Variants in LPIN2 observed in about 807,000 individuals in gnomAD.
The protein encoded by LPIN2 is lipin 2.
In LPIN2, 55 loss-of-function variants were observed where a neutral mutation model predicts 111.4. That is an observed-to-expected ratio of 0.49 (90% confidence interval 0.40 to 0.62). The LOEUF is 0.62. Among genes scored for constraint, LPIN2 ranks in the 20% least tolerant of loss-of-function variants. The pLI, the probability that LPIN2 is intolerant of heterozygous loss-of-function variation, is 0.00. For missense variants in LPIN2, 992 were observed against 1,112.1 expected (o/e 0.89, Z 1.54); for synonymous variants, 425 against 414.0 (o/e 1.03, Z -0.32).
intron 2 of LPIN2, among the ~76,000 whole-genome samples, chr18:2,959,082 A>G (rs1158699910): frequency 6.6e-6 from 1 of 152,226 alleles, no homozygotes; most frequent in Non-Finnish European, 1.5e-5. Context: ...AAAAAATTTC[A>G]GAGAACCTAA....
chr18:2,973,569 T>C (rs1348385856), intron 1 of LPIN2, among the ~76,000 whole-genome samples: 1 of 152,258 alleles, frequency 6.6e-6, no homozygotes, highest in East Asian at 1.9e-4. Flanking sequence ...ATCAAATGTT[T>C]ATCCATTCAC....
In LPIN2 at chr18:2,922,024, A is replaced by T. The variant is rs765145929; in HGVS notation, c.2327+23T>A. 5.0e-6 allele frequency: 8 copies of T among 1,606,954 alleles called. No homozygotes were observed. The South Asian group carries it at 7.7e-5, about 16-fold the overall frequency. Reference sequence around the variant, plus strand: ...GCCCACATGCTGGGGCGGTGGGCAGAGGGCTGCCTGCCGGAGAGGTACCTG... The same window carrying T: ...GCCCACATGCTGGGGCGGTGGGCAGTGGGCTGCCTGCCGGAGAGGTACCTG... On this transcript the variant is annotated intron_variant, in intron 17 of 19. Coordinates refer to ENST00000677752, the MANE Select transcript of LPIN2 (RefSeq NM_001375808.2).
At chr18:2,990,633 G>C (rs581590) in intron 1 of LPIN2, 169,953 of 179,234 alleles carry the variant, frequency 0.95, 80,911 homozygotes, top group East Asian at 1. Flanking sequence ...TAAAAAGGAA[G>C]AGAGTGGCCA....
At chr18:2,982,987 T>C (rs1264852106) in intron 1 of LPIN2, 2 of 327,696 alleles carry the variant, frequency 6.1e-6, no homozygotes, top group Non-Finnish European at 1.2e-5. Flanking sequence ...CCAAAGGAGA[T>C]AAGCAGGGGC....
intron 1 of LPIN2, among the ~76,000 whole-genome samples, chr18:2,987,603 C>A (rs757041314): frequency 6.6e-6 from 1 of 152,098 alleles, no homozygotes; most frequent in Non-Finnish European, 1.5e-5. Context: ...AAGATTTTCT[C>A]GACCACCTGA....
chr18:2,926,857 G>A (rs995894698), intron 12 of LPIN2, 52 bp from the exon 13 acceptor site: 1 of 1,433,748 alleles, frequency 7.0e-7, no homozygotes, highest in African/African-American at 1.4e-5. Flanking sequence ...CTACAGATAA[G>A]CCAAGTTCAT....
In LPIN2 at chr18:2,919,574, A is replaced by C. The variant is rs1404241431; in HGVS notation, c.*719T>G. The C allele has an allele frequency of 2.0e-5, 3 of 153,038 alleles. No homozygotes were observed. Among genetic ancestry groups the C allele is most frequent in the Non-Finnish European group, 2.9e-5 (2 of 68,720 alleles). The allele number at this position is 153,038 out of a possible 1,614,324, so 9.5% of individuals were successfully genotyped here. A position where few individuals can be genotyped will look rare whatever the true frequency, so the allele number is the denominator to read the frequency against. The stretch of plus-strand genomic sequence containing the variant: ...TTCCCACTTTTATTACAGACATCAA[A>C]TATATACTTGTGAGACCTGTTCTTC... On this transcript the variant is annotated 3_prime_UTR_variant, in exon 20 of 20. Transcript: ENST00000677752.
intron 8 of LPIN2, among the ~76,000 whole-genome samples, chr18:2,932,412 G>A (rs1385695719): frequency 2.6e-5 from 4 of 152,126 alleles, no homozygotes; most frequent in African/African-American, 9.7e-5. Flanking sequence ...TTTTAACTAG[G>A]TAACAGTTTC....
At chr18:2,933,340 A>G (rs542160575) in intron 8 of LPIN2, among the ~76,000 whole-genome samples, 1 of 152,186 alleles carries the variant, frequency 6.6e-6, no homozygotes, top group East Asian at 1.9e-4. Context: ...AAGGAATACC[A>G]ATATAAATAA....
intron 2 of LPIN2, among the ~76,000 whole-genome samples, chr18:2,957,595 C>T (rs372181053): frequency 3.3e-5 from 5 of 152,262 alleles, no homozygotes; most frequent in South Asian, 2.1e-4. Flanking sequence ...GAGATATGTC[C>T]GTTCCTTTGA....
At chr18:2,956,989 C>T (rs1179198142) in intron 2 of LPIN2, among the ~76,000 whole-genome samples, 1 of 152,174 alleles carries the variant, frequency 6.6e-6, no homozygotes, top group Admixed American at 6.5e-5. Context: ...CAAATTCTTC[C>T]CACCAACGTG....
chr18:2,962,696 A>C (rs1312905530), intron 1 of LPIN2, among the ~76,000 whole-genome samples: 1 of 152,216 alleles, frequency 6.6e-6, no homozygotes, highest in African/African-American at 2.4e-5. Context: ...TCTGTAGGTA[A>C]TGCATATTCA....
At chr18:2,991,227 T>A (rs12456042) in intron 1 of LPIN2, 26,643 of 199,628 alleles carry the variant, frequency 0.13, 2,680 homozygotes, top group East Asian at 0.45. Context: ...AGAATCATTT[T>A]GGAGTGGAGA....
chr18:3,011,004 T>C (rs1567870496), intron 1 of LPIN2, among the ~76,000 whole-genome samples: 1 of 152,200 alleles, frequency 6.6e-6, no homozygotes, highest in Admixed American at 6.5e-5. Flanking sequence ...AACTGCCTGC[T>C]GCGTCTACCT....
intron 1 of LPIN2, among the ~76,000 whole-genome samples, chr18:2,994,762 A>C (rs1361667552): frequency 6.6e-6 from 1 of 152,144 alleles, no homozygotes; most frequent in East Asian, 1.9e-4. Flanking sequence ...TGACAGCCAA[A>C]AAAATGTCTC....
chr18:2,934,769 G>A (rs2077262449), intron 7 of LPIN2, among the ~76,000 whole-genome samples: 1 of 152,120 alleles, frequency 6.6e-6, no homozygotes, highest in South Asian at 2.1e-4. Context: ...GAACAAGCAT[G>A]ACCAAACTTA....
Position 2,920,762 on chromosome 18 carries a change from C to G in LPIN2, c.2546+16G>C. The G allele has an allele frequency of 1.2e-6, 2 of 1,601,960 alleles. No homozygotes were observed. The highest frequency in any genetic ancestry group is 1.7e-6 in the Non-Finnish European group (2 of 1,168,912). On this transcript the variant is annotated intron_variant, in intron 19 of 19. Transcript: ENST00000677752. ...TGGCTGCAGGGCGCCGGGCTGAGAG[C>G]TGAGAATGTACTTACGATGACTTGT...
intron 1 of LPIN2, among the ~76,000 whole-genome samples, chr18:2,962,669 A>C (rs2077731347): frequency 1.3e-5 from 2 of 152,160 alleles, no homozygotes; most frequent in African/African-American, 2.4e-5. Flanking sequence ...GCTAGATCTC[A>C]TGCATCCTTT....
chr18:2,988,110 G>A (rs980430525), intron 1 of LPIN2, among the ~76,000 whole-genome samples: 1 of 151,286 alleles, frequency 6.6e-6, no homozygotes, highest in Admixed American at 6.6e-5. Context: ...CCTTAAATGG[G>A]TCCCCAACAG....
Sources: allele counts gnomAD v4.1 joint callset (sites outside exome capture counted in the v4.1 genomes callset), GRCh38; gene constraint gnomAD v4.1.1; transcripts MANE v1.5; gene names NCBI Gene and HGNC (gene_info 2026-07-23, HGNC 2026-07-21).